EPHA7: variants seen among roughly 807,000 people sequenced by gnomAD.
EPHA7 encodes the protein EPH receptor A7.
Under a neutral mutation model 112.6 loss-of-function variants are expected in EPHA7, and 25 were observed. That is an observed-to-expected ratio of 0.22 (90% CI 0.16 to 0.31). The LOEUF (loss-of-function observed/expected upper bound fraction) is 0.31. Among genes scored for constraint, EPHA7 ranks in the 10% least tolerant of loss-of-function variants. The pLI, the probability that EPHA7 is intolerant of heterozygous loss-of-function variation, is 1.00. For synonymous variants in EPHA7, 437 were observed against 406.5 expected (o/e 1.07, Z -0.90); for missense variants, 962 against 1,212.6 (o/e 0.79, Z 3.07).
intron 1 of EPHA7, among the ~76,000 whole-genome samples, chr6:93,415,261 C>T (rs1423650044): frequency 6.6e-6 from 1 of 151,918 alleles, no homozygotes; most frequent in Non-Finnish European, 1.5e-5. Flanking sequence ...CATACAGTGT[C>T]GTTAAGCTAA....
chr6:93,368,546 G>A (rs142034859), intron 3 of EPHA7, among the ~76,000 whole-genome samples: 191 of 152,182 alleles, frequency 1.3e-3, no homozygotes, highest in African/African-American at 4.3e-3. Flanking sequence ...AGTCCAATTC[G>A]AAGGATTAAA....
intron 4 of EPHA7, among the ~76,000 whole-genome samples, chr6:93,357,334 T>A (rs541300609): frequency 1.3e-5 from 2 of 152,328 alleles, no homozygotes; most frequent in East Asian, 1.9e-4. Flanking sequence ...TTTGCCACAG[T>A]CTTTAACTAT....
At chr6:93,266,083 TA>T (rs998552971) in intron 7 of EPHA7, among the ~76,000 whole-genome samples, 43 of 151,730 alleles carry the variant, frequency 2.8e-4, no homozygotes, top group Middle Eastern at 3.4e-3. Context: ...TTAAAAAGGT[TA>T]AAAAAACAGA....
intron 5 of EPHA7, among the ~76,000 whole-genome samples, chr6:93,296,466 TG>T (rs201599978): frequency 0.11 from 13,759 of 128,576 alleles, 811 homozygotes; most frequent in Non-Finnish European, 0.14. Context: ...TATATATATA[TG>T]TATATATATA....
chr6:93,305,411 A>G (rs1299489420), intron 5 of EPHA7, among the ~76,000 whole-genome samples: 1 of 151,948 alleles, frequency 6.6e-6, no homozygotes, highest in African/African-American at 2.4e-5. Context: ...GAATCCCTAT[A>G]GGGGTTATAA....
In EPHA7 at chr6:93,272,415, C is replaced by T. The variant is rs770773460; in HGVS notation, c.1332G>A (p.Ser444=). The T allele has an allele frequency of 1.7e-5, 28 of 1,611,326 alleles. No individual in the cohort carries two copies. The African/African-American group carries it at 1.7e-4, about 10-fold the overall frequency. ...TCTCCTTCATTACTCCACTCACTTG[C>T]GAGGGAGCTGTTTGGACAAGATGTG... is the stretch of plus-strand genomic sequence containing the variant. ...VSITTGQAAP[S]QVSGVMKERV... is the part of the protein sequence containing the mutation. Residue 444 remains serine, a synonymous_variant, in exon 6 of 17, where the codon TCG becomes TCA. Transcript: ENST00000369303.
intron 5 of EPHA7, among the ~76,000 whole-genome samples, chr6:93,356,190 G>C (rs1775933966): frequency 6.6e-6 from 1 of 151,096 alleles, no homozygotes; most frequent in Non-Finnish European, 1.5e-5. Flanking sequence ...CAGTCTTAAG[G>C]GTTTACAATT....
At chr6:93,311,142 A>C (rs1176488260) in intron 5 of EPHA7, among the ~76,000 whole-genome samples, 1 of 37,942 alleles carries the variant, frequency 2.6e-5, no homozygotes, top group South Asian at 6.2e-4. Flanking sequence ...TTTTTTTTTT[A>C]CAGAGATTGT....
intron 3 of EPHA7, among the ~76,000 whole-genome samples, chr6:93,397,809 T>C (rs1285318655): frequency 1.3e-5 from 2 of 151,988 alleles, no homozygotes; most frequent in South Asian, 2.1e-4. Flanking sequence ...TTTCATATTA[T>C]ACACTACAAA....
At chr6:93,362,755 A>G (rs781110602) in intron 3 of EPHA7, among the ~76,000 whole-genome samples, 2 of 152,100 alleles carry the variant, frequency 1.3e-5, no homozygotes, top group Non-Finnish European at 2.9e-5. Context: ...ATACATTCCC[A>G]TGCCTCTTTA....
chr6:93,283,521 G>T (rs889898468), intron 5 of EPHA7, among the ~76,000 whole-genome samples: 2 of 152,004 alleles, frequency 1.3e-5, no homozygotes, highest in African/African-American at 4.8e-5. Flanking sequence ...CAATGCGAAG[G>T]TCTGCAGCTT....
chr6:93,266,222 T>C (rs1044576839), intron 7 of EPHA7, among the ~76,000 whole-genome samples: 2 of 151,726 alleles, frequency 1.3e-5, no homozygotes, highest in Non-Finnish European at 3.0e-5. Context: ...TTAATGTACA[T>C]TTTAAGAAAG....
chr6:93,418,471 C>A lies in EPHA7; in HGVS notation c.97+774G>T, dbSNP rs149244630. ...AATTGGGGACTTTGAGTCGCCCAGG[C>A]GGCATCCTTACAAATTGCACAGCTC... On this transcript the variant is annotated intron_variant, in intron 1 of 16. Transcript: ENST00000369303. Among the ~76,000 whole-genome samples, 992 of 152,316 alleles carry A rather than the reference C, an allele frequency of 6.5e-3. 12 individuals carry two copies. The highest frequency in any genetic ancestry group is 0.023 in the African/African-American group (955 of 41,580).
At chr6:93,256,161 A>G (rs1770433763) in intron 12 of EPHA7, 124 bp from the exon 13 acceptor site, 1 of 743,630 alleles carries the variant, frequency 1.3e-6, no homozygotes, top group African/African-American at 1.8e-5. Context: ...AATTTTTTAT[A>G]TAATATGGAT....
intron 5 of EPHA7, among the ~76,000 whole-genome samples, chr6:93,290,655 C>A (rs1292101180): frequency 6.6e-6 from 1 of 152,140 alleles, no homozygotes; most frequent in Non-Finnish European, 1.5e-5. Flanking sequence ...TTTTAGATCT[C>A]TTTTGCTTAA....
intron 3 of EPHA7, among the ~76,000 whole-genome samples, chr6:93,392,244 A>G (rs1245916947): frequency 1.3e-5 from 2 of 151,958 alleles, no homozygotes; most frequent in African/African-American, 2.4e-5. Flanking sequence ...CCTGACAGGA[A>G]ACACAGGTCA....
intron 5 of EPHA7, among the ~76,000 whole-genome samples, chr6:93,326,161 A>G (rs1041660632): frequency 4.6e-5 from 7 of 151,432 alleles, no homozygotes; most frequent in Admixed American, 2.6e-4. Flanking sequence ...AGTGGGAAGT[A>G]AAAAGGAAAG....
chr6:93,416,943 C>T (rs1184376232), intron 1 of EPHA7, among the ~76,000 whole-genome samples: 1 of 152,174 alleles, frequency 6.6e-6, no homozygotes, highest in Non-Finnish European at 1.5e-5. Flanking sequence ...ATCCATTACG[C>T]CTCTGCCAGA....
At chr6:93,256,990 A>G (rs1000041843) in intron 12 of EPHA7, among the ~76,000 whole-genome samples, 4 of 152,120 alleles carry the variant, frequency 2.6e-5, no homozygotes, top group East Asian at 3.9e-4. Flanking sequence ...TTACAAATAA[A>G]CCACATACCA....
Sources: allele counts gnomAD v4.1 joint callset (sites outside exome capture counted in the v4.1 genomes callset), GRCh38; gene constraint gnomAD v4.1.1; transcripts MANE v1.5; gene names NCBI Gene and HGNC (gene_info 2026-07-23, HGNC 2026-07-21).